Variants in VANGL1 observed in about 807,000 individuals in gnomAD.
VANGL1 encodes VANGL planar cell polarity protein 1.
In VANGL1, 18 loss-of-function variants were observed where a neutral mutation model predicts 48.4. That is an observed-to-expected ratio of 0.37 (90% CI 0.26 to 0.55). VANGL1 has a LOEUF of 0.55. VANGL1 is among the 20% of genes least tolerant of loss of function. The pLI, the probability that VANGL1 is intolerant of heterozygous loss-of-function variation, is 0.81. For missense variants in VANGL1, 667 were observed against 675.8 expected (o/e 0.99, Z 0.14); for synonymous variants, 257 against 261.8 (o/e 0.98, Z 0.18).
rs761419229 is a variant in VANGL1, at chr1:115,683,972, C to T, written c.975C>T (p.Ser325=). 6.2e-6 allele frequency: 10 copies of T among 1,613,874 alleles called. No individual in the cohort carries two copies. The highest frequency in any genetic ancestry group is 1.7e-5 in the Admixed American group (1 of 59,988). Residue 325 remains serine, a synonymous_variant, in exon 6 of 8, where the codon TCC becomes TCT. Coordinates refer to ENST00000355485, the MANE Select transcript of VANGL1 (RefSeq NM_138959.3). The part of the protein sequence containing the change: ...DGPSNNATGQ[S]RAMIAAAARR... ...CCAGTAACAATGCCACTGGCCAGTC[C>T]CGGGCCATGATTGCTGCAGCTGCTC...
intron 4 of VANGL1, among the ~76,000 whole-genome samples, chr1:115,665,196 C>T (rs906069657): frequency 3.9e-5 from 6 of 152,206 alleles, no homozygotes; most frequent in Non-Finnish European, 7.3e-5. Context: ...CTCCCTGAGG[C>T]CAGGGGCCAC....
At position 115,645,108 on chromosome 1, in the gene VANGL1, A is replaced by G. The variant is rs555867217; in HGVS notation, c.-138+3022A>G. On this transcript the variant is annotated intron_variant, in intron 1 of 7. Transcript: ENST00000355485. ...ATCTCTGCCCGCTCCTTTCCAGCCC[A>G]TGCCCCTCCAAATAAACCCACTAAA... 1.0e-3 allele frequency among the ~76,000 whole-genome samples: 153 copies of G among 152,252 alleles called. 1 individual carries two copies. Among genetic ancestry groups the G allele is most frequent in the African/African-American group, 3.6e-3 (149 of 41,548 alleles).
intron 3 of VANGL1, 99 bp from the exon 4 acceptor site, chr1:115,663,562 A>G: frequency 6.5e-7 from 1 of 1,526,822 alleles, no homozygotes; most frequent in Non-Finnish European, 9.0e-7. Flanking sequence ...CTTTGTGAAT[A>G]GGGCTGGGTA....
At position 115,663,798 on chromosome 1, in the gene VANGL1, C is replaced by A. The variant is rs141525464; in HGVS notation, c.342C>A (p.Thr114=). The change falls in exon 4 of 8, where the codon ACC becomes ACA. Residue 114 remains threonine (T), a synonymous_variant. Transcript: ENST00000355485. ...ATTGCAAACGCTACCTGGGCCTCAC[C>A]GTCGCCTCTTTTCTTGGACTTCTAG... ...GLDCKRYLGL[T]VASFLGLLVF... The A allele has an allele frequency of 6.2e-7, 1 of 1,614,182 alleles. No homozygotes were observed. Among genetic ancestry groups the A allele is most frequent in the Non-Finnish European group, 8.5e-7 (1 of 1,180,038 alleles).
chr1:115,672,145 A>G (rs1652997538), intron 4 of VANGL1, among the ~76,000 whole-genome samples: 1 of 152,168 alleles, frequency 6.6e-6, no homozygotes, highest in South Asian at 2.1e-4. Context: ...TTAGGGACTC[A>G]TGGAGAAGTG....
intron 4 of VANGL1, among the ~76,000 whole-genome samples, chr1:115,667,025 G>A (rs559426695): frequency 1.3e-5 from 2 of 152,298 alleles, no homozygotes; most frequent in South Asian, 4.1e-4. Context: ...GAAACAGACA[G>A]GAGGGAAGAG....
chr1:115,644,186 T>C (rs1217056884), intron 1 of VANGL1, among the ~76,000 whole-genome samples: 1 of 152,252 alleles, frequency 6.6e-6, no homozygotes, highest in East Asian at 1.9e-4. Context: ...ACACAGGTTC[T>C]GGAGTTAGAC....
chr1:115,671,537 C>A (rs964695936), intron 4 of VANGL1, among the ~76,000 whole-genome samples: 1 of 152,174 alleles, frequency 6.6e-6, no homozygotes, highest in Non-Finnish European at 1.5e-5. Flanking sequence ...GGAGGTGTTT[C>A]GAGTCCATAT....
chr1:115,649,747 C>T (rs1406723504), intron 1 of VANGL1, among the ~76,000 whole-genome samples: 3 of 152,184 alleles, frequency 2.0e-5, no homozygotes, highest in Admixed American at 1.3e-4. Context: ...TTGGAACCCA[C>T]CTTTGGAAAC....
intron 4 of VANGL1, among the ~76,000 whole-genome samples, chr1:115,675,805 A>T (rs762603972): frequency 2.6e-5 from 4 of 152,214 alleles, no homozygotes; most frequent in Non-Finnish European, 4.4e-5. Context: ...AAATAAAATA[A>T]TTAAAAAAAA....
At chr1:115,683,822 T>G in intron 5 of VANGL1, 122 bp from the exon 6 acceptor site, 3 of 1,313,664 alleles carry the variant, frequency 2.3e-6, no homozygotes, top group South Asian at 1.2e-5. Flanking sequence ...ACCTTTAGGA[T>G]TTGTGTGTGT....
At chr1:115,654,379 C>T (rs1325218613) in intron 2 of VANGL1, among the ~76,000 whole-genome samples, 2 of 151,406 alleles carry the variant, frequency 1.3e-5, no homozygotes, top group Middle Eastern at 3.2e-3. Flanking sequence ...CTGCAGTCTC[C>T]AGAGGGTGTC....
chr1:115,675,776 C>T (rs961685076), intron 4 of VANGL1, among the ~76,000 whole-genome samples: 10 of 152,076 alleles, frequency 6.6e-5, no homozygotes, highest in South Asian at 2.1e-4. Flanking sequence ...GGCGACAGAG[C>T]GAGACTCCAT....
chr1:115,652,513 A>T (rs915086964), intron 2 of VANGL1, among the ~76,000 whole-genome samples: 1 of 152,198 alleles, frequency 6.6e-6, no homozygotes, highest in Non-Finnish European at 1.5e-5. Context: ...GAGATTATGC[A>T]TGTGAAGCAT....
chr1:115,651,588 C>T (rs1165940948), intron 2 of VANGL1, 104 bp downstream of exon 2: 23 of 973,178 alleles, frequency 2.4e-5, no homozygotes, highest in Admixed American at 1.1e-4. Context: ...GACATTTGGT[C>T]GGTTGGTGCA....
chr1:115,664,979 C>T (rs961101295), intron 4 of VANGL1, among the ~76,000 whole-genome samples: 4 of 152,158 alleles, frequency 2.6e-5, no homozygotes, highest in African/African-American at 9.7e-5. Context: ...AACCCCGTGA[C>T]CTAGGTATTA....
intron 4 of VANGL1, among the ~76,000 whole-genome samples, chr1:115,665,201 G>A (rs1652727100): frequency 1.3e-5 from 2 of 152,150 alleles, no homozygotes; most frequent in South Asian, 2.1e-4. Context: ...TGAGGCCAGG[G>A]GCCACCCTTA....
intron 7 of VANGL1, among the ~76,000 whole-genome samples, chr1:115,690,669 T>C (rs1445914300): frequency 1.3e-5 from 2 of 152,276 alleles, no homozygotes; most frequent in African/African-American, 4.8e-5. Flanking sequence ...TTCTTATTCA[T>C]GCAAGTATAT....
In VANGL1 at chr1:115,672,260, A is replaced by G. The variant is rs368221995; in HGVS notation, c.812+7992A>G. ...TGGGATTAGATATCCTAGGCTGCCA[A>G]TCTGCATGTTCATCTTTCAGTGGGG... is the stretch of plus-strand genomic sequence containing the variant. On this transcript the variant is annotated intron_variant, in intron 4 of 7. Coordinates refer to ENST00000355485, the MANE Select transcript of VANGL1 (RefSeq NM_138959.3). 5.1e-4 allele frequency among the ~76,000 whole-genome samples: 77 copies of G among 152,248 alleles called. 1 individual carries two copies. In the East Asian group the frequency reaches 0.012, roughly 23 times the overall value.
Sources: gnomAD v4.1 joint callset for allele counts (sites outside exome capture counted in the v4.1 genomes callset) on GRCh38, gnomAD v4.1.1 for gene constraint, MANE v1.5 for transcripts, NCBI Gene and HGNC (gene_info 2026-07-23, HGNC 2026-07-21) for gene names.